PACSIN3: variants seen among roughly 807,000 people sequenced by gnomAD.
PACSIN3 encodes protein kinase C and casein kinase substrate in neurons protein 3.
Under a neutral mutation model 56.1 loss-of-function variants are expected in PACSIN3, and 34 were observed. That is an observed-to-expected ratio of 0.61 (90% confidence interval 0.46 to 0.81). The LOEUF (loss-of-function observed/expected upper bound fraction) is 0.81. Ranked by LOEUF, PACSIN3 falls within the 30% of genes least tolerant of loss-of-function variation. The pLI, the probability that PACSIN3 is intolerant of heterozygous loss-of-function variation, is 0.00. For missense variants in PACSIN3, 535 were observed against 592.4 expected (o/e 0.90, Z 1.01); for synonymous variants, 218 against 229.8 (o/e 0.95, Z 0.46).
Position 47,186,056 on chromosome 11 carries a change from C to A in PACSIN3, c.-104+293G>T, listed in dbSNP as rs1269497777. Among the ~76,000 whole-genome samples, 1 of 151,992 alleles carries A rather than the reference C, an allele frequency of 6.6e-6. No homozygotes were observed. Among genetic ancestry groups the A allele is most frequent in the Non-Finnish European group, 1.5e-5 (1 of 67,930 alleles). On this transcript the variant is annotated intron_variant, in intron 1 of 10. Coordinates refer to ENST00000298838, the MANE Select transcript of PACSIN3 (RefSeq NM_016223.5). This position sits in a 1 kb window ranked among gnomAD's most constrained non-coding sequence, Gnocchi z 4.5. ...ACCCTCTGGGGCCTCGGGGCGGGCG[C>A]GAGGCGAGCGGACGGGGGCCCTCGA...
chr11:47,180,315 G>T lies in PACSIN3; in HGVS notation c.474C>A (p.His158Gln). The change falls in exon 6 of 11, where the codon CAC becomes CAA. Residue 158 changes from histidine (H) to glutamine (Q), a missense_variant. Transcript: ENST00000298838. ...CGGTCTTCTCATCCTTCCGGGCTGC[G>T]TGGTAGCTTTTCTTGGAAGCCTCAA... is the stretch of plus-strand genomic sequence containing the variant. ...KEVEASKKSY[H>Q]AARKDEKTAQ... 1 of 1,602,360 alleles carries T rather than the reference G, an allele frequency of 6.2e-7. No homozygotes were observed.
chr11:47,179,923 C>T lies in PACSIN3; in HGVS notation c.603+263G>A, dbSNP rs929507904. 3.3e-5 allele frequency among the ~76,000 whole-genome samples: 5 copies of T among 152,136 alleles called. No individual in the cohort carries two copies. The highest frequency in any genetic ancestry group is 6.5e-5 in the Admixed American group (1 of 15,280). The stretch of plus-strand genomic sequence containing the variant: ...TCCAGAGCTGCAGGAAAGGACACTT[C>T]GGGCAAAGGGTACTGTGCAAGGAAA... On this transcript the variant is annotated intron_variant, in intron 6 of 10. Transcript: ENST00000298838. This position sits in a 1 kb window ranked among gnomAD's most constrained non-coding sequence, Gnocchi z 4.4.
Position 47,178,108 on chromosome 11 carries a change from G to T in PACSIN3, c.1160-62C>A. 1.4e-6 allele frequency: 2 copies of T among 1,425,592 alleles called. No individual in the cohort carries two copies. Among genetic ancestry groups the T allele is most frequent in the Non-Finnish European group, 2.0e-6 (2 of 1,021,890 alleles). The allele number at this position is 1,425,592 out of a possible 1,614,324, so 88.3% of individuals were successfully genotyped here. ...GGCCCAGGCCCTGTTCCTGCAACTG[G>T]GTCAAGGACTGAGGGGGATGGTGTG... On this transcript the variant is annotated intron_variant, in intron 10 of 10. Coordinates refer to ENST00000298838, the MANE Select transcript of PACSIN3 (RefSeq NM_016223.5). This position sits in a 1 kb window ranked among gnomAD's most constrained non-coding sequence, Gnocchi z 4.2.
Position 47,178,777 on chromosome 11 carries a change from T to C in PACSIN3, c.1037+117A>G. 1 of 1,227,186 alleles carries C rather than the reference T, an allele frequency of 8.1e-7. No homozygotes were observed. Among genetic ancestry groups the C allele is most frequent in the Non-Finnish European group, 1.1e-6 (1 of 878,012 alleles). The allele number at this position is 1,227,186 out of a possible 1,614,324, so 76.0% of individuals were successfully genotyped here. On this transcript the variant is annotated intron_variant, in intron 9 of 10. Coordinates refer to ENST00000298838, the MANE Select transcript of PACSIN3 (RefSeq NM_016223.5). The surrounding 1 kb of genome is among the most constrained non-coding windows in gnomAD (Gnocchi z 4.2). The stretch of plus-strand genomic sequence containing the variant: ...TACAACTACTAAGTAGGCCCTCAGG[T>C]CCCTGGCACCAATTTTCAACCCATT...
chr11:47,184,827 G>C (rs924747448), intron 1 of PACSIN3, among the ~76,000 whole-genome samples: 1 of 152,184 alleles, frequency 6.6e-6, no homozygotes, highest in Non-Finnish European at 1.5e-5. Flanking sequence ...GGGGCCCCTT[G>C]CCTGTTCCAG....
At chr11:47,181,135 G>A (rs575208888) in intron 4 of PACSIN3, among the ~76,000 whole-genome samples, 5 of 152,082 alleles carry the variant, frequency 3.3e-5, no homozygotes, top group African/African-American at 1.2e-4. Flanking sequence ...GGTGGCGGGC[G>A]CCTGTAGTCC....
Position 47,178,066 on chromosome 11 carries a change from T to C in PACSIN3, c.1160-20A>G. ...CCTCCCCTGGGGGAAAGGGGATTGG[T>C]CACTGCCAGTGGCCCTGGCCCAGGC... On this transcript the variant is annotated intron_variant, in intron 10 of 10. Transcript: ENST00000298838. The surrounding 1 kb of genome is among the most constrained non-coding windows in gnomAD (Gnocchi z 4.2). 2 of 1,586,556 alleles carry C rather than the reference T, an allele frequency of 1.3e-6. No homozygotes were observed. The highest frequency in any genetic ancestry group is 8.6e-7 in the Non-Finnish European group (1 of 1,156,256).
rs562829446 is a variant in PACSIN3, at chr11:47,182,659, G to C, written c.54+15C>G. The C allele has an allele frequency of 1.9e-6, 3 of 1,610,446 alleles. No individual in the cohort carries two copies. The highest frequency in any genetic ancestry group is 2.5e-6 in the Non-Finnish European group (3 of 1,177,962). On this transcript the variant is annotated intron_variant, in intron 3 of 10. Coordinates refer to ENST00000298838, the MANE Select transcript of PACSIN3 (RefSeq NM_016223.5). ...CCCCTAGACAAGTAGCTGAGCCCAG[G>C]ACCCAGCTGCTCACCTCCCAGAAAC... is the stretch of plus-strand genomic sequence containing the variant.
At position 47,178,820 on chromosome 11, in the gene PACSIN3, G is replaced by T; in HGVS notation, c.1037+74C>A. ...AACCCATTTCAGGTGTGAAAGAAAT[G>T]AAACCAAGGAGAAAGGAAAGGAGGG... is the stretch of plus-strand genomic sequence containing the variant. On this transcript the variant is annotated intron_variant, in intron 9 of 10. Coordinates refer to ENST00000298838, the MANE Select transcript of PACSIN3 (RefSeq NM_016223.5). The surrounding 1 kb of genome is among the most constrained non-coding windows in gnomAD (Gnocchi z 4.2). 1.3e-6 allele frequency: 2 copies of T among 1,566,614 alleles called. No individual in the cohort carries two copies. The highest frequency in any genetic ancestry group is 1.1e-5 in the South Asian group (1 of 88,644).
At position 47,180,267 on chromosome 11, in the gene PACSIN3, T is replaced by C. The variant is rs758033880; in HGVS notation, c.522A>G (p.Ala174=). 6.2e-7 allele frequency: 1 copy of C among 1,603,738 alleles called. No homozygotes were observed. The highest frequency in any genetic ancestry group is 8.5e-7 in the Non-Finnish European group (1 of 1,179,980). The part of the protein sequence containing the change: ...EKTAQTRESH[A]KADSAVSQEQ... Reference sequence around the variant, plus strand: ...CCTGGGAGACGGCGCTGTCTGCCTTTGCGTGGCTCTCCCTCGTCTGGGCGG... The same window carrying C: ...CCTGGGAGACGGCGCTGTCTGCCTTCGCGTGGCTCTCCCTCGTCTGGGCGG... The change falls in exon 6 of 11, where the codon GCA becomes GCG. Residue 174 remains alanine (A), a synonymous_variant. Transcript: ENST00000298838.
intron 5 of PACSIN3, 25 bp from the exon 6 acceptor site, chr11:47,180,366 G>C (rs1377374410): frequency 6.2e-7 from 1 of 1,600,936 alleles, no homozygotes; most frequent in Non-Finnish European, 8.5e-7. Flanking sequence ...GACCACTCTG[G>C]ACCCTGGATG....
chr11:47,182,668 G>T lies in PACSIN3; in HGVS notation c.54+6C>A. 8.1e-6 allele frequency: 13 copies of T among 1,611,058 alleles called. No homozygotes were observed. The highest frequency in any genetic ancestry group is 1.0e-5 in the Non-Finnish European group (12 of 1,178,420). ...AAGTAGCTGAGCCCAGGACCCAGCTGCTCACCTCCCAGAAACTGCCCCCTA... is the reference window on the plus strand; with the variant it reads ...AAGTAGCTGAGCCCAGGACCCAGCTTCTCACCTCCCAGAAACTGCCCCCTA... On this transcript the variant is annotated splice_donor_region_variant and intron_variant, in intron 3 of 10. Transcript: ENST00000298838.
rs201282300 is a variant in PACSIN3 at position 47,178,403 on chromosome 11, G to A, written c.1122C>T (p.Tyr374=). ...TCAGCTCATCAGCTTCCTGGCCAGC[G>A]TAGTCATAGAGTGCCCTCACCCGAA... is the stretch of plus-strand genomic sequence containing the variant. The part of the protein sequence containing the change: ...TGVRVRALYD[Y]AGQEADELSF... The change falls in exon 10 of 11, where the codon TAC becomes TAT. Residue 374 remains tyrosine, a synonymous_variant. Coordinates refer to ENST00000298838, the MANE Select transcript of PACSIN3 (RefSeq NM_016223.5). This position sits in a 1 kb window ranked among gnomAD's most constrained non-coding sequence, Gnocchi z 4.2. 202 of 1,614,060 alleles carry A rather than the reference G, an allele frequency of 1.3e-4. 3 individuals are homozygous for A. In the South Asian group the frequency reaches 1.7e-3, roughly 13 times the overall value.
intron 1 of PACSIN3, among the ~76,000 whole-genome samples, chr11:47,183,560 C>T (rs768383752): frequency 1.3e-5 from 2 of 152,202 alleles, no homozygotes; most frequent in African/African-American, 2.4e-5. Context: ...AACCAAGCAA[C>T]GCACCAGAAA....
rs1373049408 is a variant in PACSIN3, at chr11:47,179,049, T to C, written c.901-19A>G. On this transcript the variant is annotated intron_variant, in intron 8 of 10. Transcript: ENST00000298838. This position sits in a 1 kb window ranked among gnomAD's most constrained non-coding sequence, Gnocchi z 4.4. The stretch of plus-strand genomic sequence containing the variant: ...ACCACTCCTGTGGGGACAGTGCTTA[T>C]AGTCAGGTGGGGCCATCTGAACCAC... 7.4e-6 allele frequency: 12 copies of C among 1,614,002 alleles called. No individual in the cohort carries two copies. Among genetic ancestry groups the C allele is most frequent in the African/African-American group, 5.3e-5 (4 of 74,914 alleles).
At position 47,179,511 on chromosome 11, in the gene PACSIN3, C is replaced by T. The variant is rs765753216; in HGVS notation, c.679G>A (p.Ala227Thr). 3 of 1,613,820 alleles carry T rather than the reference C, an allele frequency of 1.9e-6. 1 individual carries two copies. The South Asian group carries it at 3.3e-5, about 18-fold the overall frequency. Reference protein sequence around the residue: ...TPRYMEDMEQAFETCQAAERQ... With the variant: ...TPRYMEDMEQTFETCQAAERQ... ...TCGGCGGCCTGGCAGGTCTCAAAGGCCTGTTCCATGTCCTCCATGTAGCGT... is the reference window on the plus strand; with the variant it reads ...TCGGCGGCCTGGCAGGTCTCAAAGGTCTGTTCCATGTCCTCCATGTAGCGT... Residue 227 changes from alanine (A) to threonine (T), a missense_variant, in exon 7 of 11, where the codon GCC (alanine) becomes ACC (threonine). Coordinates refer to ENST00000298838, the MANE Select transcript of PACSIN3 (RefSeq NM_016223.5). The surrounding 1 kb of genome is among the most constrained non-coding windows in gnomAD (Gnocchi z 4.4).
At position 47,182,541 on chromosome 11, in the gene PACSIN3, T is replaced by G; in HGVS notation, c.73A>C (p.Thr25Pro). Residue 25 changes from threonine to proline, a missense_variant, in exon 4 of 11, where the codon ACG becomes CCG. Transcript: ENST00000298838. ...TGCCCGTCCTCCACCCGCTGTACCGTGCGCCTGTAGTTGCCAGCCTGGGCA... is the reference window on the plus strand; with the variant it reads ...TGCCCGTCCTCCACCCGCTGTACCGGGCGCCTGTAGTTGCCAGCCTGGGCA... Reference protein sequence around the residue: ...SFWEAGNYRRTVQRVEDGHRL... With the variant: ...SFWEAGNYRRPVQRVEDGHRL... 1 of 1,612,340 alleles carries G rather than the reference T, an allele frequency of 6.2e-7. No individual in the cohort carries two copies. Among genetic ancestry groups the G allele is most frequent in the Non-Finnish European group, 8.5e-7 (1 of 1,179,012 alleles).
In PACSIN3 at chr11:47,186,208, G is replaced by C. The variant is rs905582336; in HGVS notation, c.-104+141C>G. 3.4e-4 allele frequency: 52 copies of C among 151,820 alleles called. 1 individual carries two copies. The highest frequency in any genetic ancestry group is 2.7e-3 in the Admixed American group (41 of 15,252). The allele number at this position is 151,820 out of a possible 1,614,324, so 9.4% of individuals were successfully genotyped here. ...CGGCGCGGCTACGGCCCTTCCCGTC[G>C]GCACGCAGAGCGGGGTGGCCGGGGG... On this transcript the variant is annotated intron_variant, in intron 1 of 10. Coordinates refer to ENST00000298838, the MANE Select transcript of PACSIN3 (RefSeq NM_016223.5). The surrounding 1 kb of genome is among the most constrained non-coding windows in gnomAD (Gnocchi z 4.5).
intron 1 of PACSIN3, chr11:47,185,439 T>C (rs1953102022): frequency 1.3e-5 from 2 of 151,428 alleles, no homozygotes; most frequent in South Asian, 4.1e-4. Flanking sequence ...CCCGCAGCTC[T>C]AGGATTTGAG....
Sources: gnomAD v4.1 joint callset for allele counts (sites outside exome capture counted in the v4.1 genomes callset) on GRCh38, gnomAD v4.1.1 for gene constraint, Gnocchi (gnomAD v3.1) non-coding constraint, MANE v1.5 for transcripts, NCBI Gene and HGNC (gene_info 2026-07-23, HGNC 2026-07-21) for gene names.